The following ZEB1 variants were observed in gnomAD, a reference collection of about 807,000 sequenced individuals.
ZEB1 encodes zinc finger E-box-binding homeobox 1.
A neutral mutation model predicts 84.9 loss-of-function variants in ZEB1; 21 were observed. The observed-to-expected ratio is 0.25, with a 90% CI of 0.18 to 0.36. The LOEUF is 0.36. ZEB1 is among the 10% of genes least tolerant of loss of function. The pLI is 1.00. For synonymous variants in ZEB1, 420 were observed against 471.1 expected, an observed-to-expected ratio of 0.89 and a Z score of 1.41; for missense variants, 1,104 against 1,330.2, an observed-to-expected ratio of 0.83 and a Z score of 2.65.
chr10:31,413,187 G>A lies in ZEB1; in HGVS notation c.59-47850G>A, dbSNP rs532208409. ...TAAATATAATATCTGTTCACCAGAT[G>A]CCTAAAACATACAACATTAGTATAG... On this transcript the variant is annotated intron_variant, in intron 1 of 8. Transcript: ENST00000424869. Among the ~76,000 whole-genome samples the A allele has an allele frequency of 3.3e-5, 5 of 152,272 alleles. No individual in the cohort carries two copies. The South Asian group carries it at 1.0e-3, about 32-fold the overall frequency.
chr10:31,318,798 G>T (rs1006362715), upstream of ZEB1: 9 of 244,664 alleles, frequency 3.7e-5, no homozygotes, highest in South Asian at 9.0e-5. Context: ...CGAGGGCACA[G>T]GGTACAGGGA....
In ZEB1 at chr10:31,373,339, GAA is replaced by G. The variant is rs200497145; in HGVS notation, c.58+54048_58+54049del. The stretch of plus-strand genomic sequence containing the variant: ...TATATTTTAATAAAATATATGCAAA[GAA>G]TGGTTTTATAGATAAGAGATTTTAC... On this transcript the variant is annotated intron_variant, in intron 1 of 8. Transcript: ENST00000424869. Among the ~76,000 whole-genome samples, 1,061 of 151,810 alleles carry G rather than the reference GAA, an allele frequency of 7.0e-3. 11 individuals carry two copies. The highest frequency in any genetic ancestry group is 0.023 in the African/African-American group (972 of 41,476).
intron 2 of ZEB1, among the ~76,000 whole-genome samples, chr10:31,463,228 G>A (rs2137534777): frequency 6.6e-6 from 1 of 152,160 alleles, no homozygotes; most frequent in South Asian, 2.1e-4. Context: ...GAGAAAGGAA[G>A]GTGAAAAAAT....
At chr10:31,507,584 ATTC>A (rs2069206188) in intron 4 of ZEB1, among the ~76,000 whole-genome samples, 1 of 151,778 alleles carries the variant, frequency 6.6e-6, no homozygotes, top group Admixed American at 6.6e-5. Context: ...AAGTTCTAAA[ATTC>A]TTCTTCTGCT....
intron 1 of ZEB1, among the ~76,000 whole-genome samples, chr10:31,367,024 A>C (rs2044642387): frequency 6.6e-6 from 1 of 152,188 alleles, no homozygotes; most frequent in Non-Finnish European, 1.5e-5. Flanking sequence ...GAAGTAATGA[A>C]GTATATAAGC....
In ZEB1 at chr10:31,521,304, A is replaced by G. The variant is rs774973367; in HGVS notation, c.1972A>G (p.Lys658Glu). 2 of 1,614,104 alleles carry G rather than the reference A, an allele frequency of 1.2e-6. No individual in the cohort carries two copies. The highest frequency in any genetic ancestry group is 1.7e-5 in the Admixed American group (1 of 60,002). ...ACCAGGCAAAGTAAATATCCCTGCC[A>G]AGAACAATGATCAGCCTCAATCTGC... Reference protein sequence around the residue: ...PEPGKVNIPAKNNDQPQSANA... With the variant: ...PEPGKVNIPAENNDQPQSANA... Residue 658 changes from lysine to glutamate, a missense_variant, in exon 7 of 9, where the codon AAG (lysine) becomes GAG (glutamate). Around this residue, in one of 7 missense-constraint regions of ZEB1, gnomAD observed 531 missense variants for 575.2 expected, o/e 0.92. Coordinates refer to ENST00000424869, the MANE Select transcript of ZEB1 (RefSeq NM_001174096.2).
chr10:31,510,442 C>T (rs2069776342), intron 4 of ZEB1, among the ~76,000 whole-genome samples: 1 of 152,118 alleles, frequency 6.6e-6, no homozygotes, highest in Non-Finnish European at 1.5e-5. Flanking sequence ...GTATTTGAAC[C>T]CTGACTTCAT....
rs781159662 is a variant in ZEB1 at position 31,520,445 on chromosome 10, A to G, written c.1113A>G (p.Leu371=). Reference sequence around the variant, plus strand: ...CAGGAATCAACTGTTCAACCCCTTTACAAAATGGGGTTTTCACTGGTGGTG... The same window carrying G: ...CAGGAATCAACTGTTCAACCCCTTTGCAAAATGGGGTTTTCACTGGTGGTG... ...VASGINCSTP[L]QNGVFTGGGP... is the part of the protein sequence containing the mutation. Residue 371 remains leucine (L), a synonymous_variant, in exon 7 of 9, where the codon TTA becomes TTG. Transcript: ENST00000424869. The surrounding 1 kb of genome is among the most constrained non-coding windows in gnomAD (Gnocchi z 5.1). 5.0e-6 allele frequency: 8 copies of G among 1,614,028 alleles called. No individual in the cohort carries two copies. Among genetic ancestry groups the G allele is most frequent in the Non-Finnish European group, 6.8e-6 (8 of 1,179,954 alleles).
chr10:31,320,393 T>A (rs2033609116), intron 1 of ZEB1: 1 of 150,924 alleles, frequency 6.6e-6, no homozygotes, highest in South Asian at 2.1e-4. Context: ...TCTCTTTCGG[T>A]TTTTGGGGAA....
At chr10:31,343,717 A>G (rs7095751) in intron 1 of ZEB1, among the ~76,000 whole-genome samples, 12,275 of 152,112 alleles carry the variant, frequency 0.081, 716 homozygotes, top group African/African-American at 0.17. Flanking sequence ...CAGGTGTGCT[A>G]TGGTTTGGTG....
chr10:31,377,668 CT>C (rs2046893885), intron 1 of ZEB1, among the ~76,000 whole-genome samples: 1 of 151,746 alleles, frequency 6.6e-6, no homozygotes, highest in Non-Finnish European at 1.5e-5. Context: ...TTCTGCATCA[CT>C]TTGCGATCTT....
At chr10:31,349,962 T>C (rs1391255651) in intron 1 of ZEB1, among the ~76,000 whole-genome samples, 1 of 152,216 alleles carries the variant, frequency 6.6e-6, no homozygotes, top group Non-Finnish European at 1.5e-5. Context: ...TTGCCTATAC[T>C]TTTAGGGTCA....
intron 6 of ZEB1, among the ~76,000 whole-genome samples, chr10:31,517,843 C>T (rs1303238288): frequency 1.3e-5 from 2 of 151,922 alleles, no homozygotes; most frequent in Non-Finnish European, 2.9e-5. Context: ...TCATATAGTC[C>T]TCAGGATAAC....
chr10:31,377,087 CT>C (rs1193120000), intron 1 of ZEB1, among the ~76,000 whole-genome samples: 2,692 of 107,102 alleles, frequency 0.025, 31 homozygotes, highest in African/African-American at 0.037. Flanking sequence ...AACCTAGTGT[CT>C]TTTTTTTTTT....
chr10:31,344,883 T>G (rs1386375831), intron 1 of ZEB1, among the ~76,000 whole-genome samples: 4 of 152,138 alleles, frequency 2.6e-5, no homozygotes, highest in African/African-American at 9.7e-5. Flanking sequence ...GTTTAGTGAT[T>G]AAAGCTTAAG....
intron 1 of ZEB1, among the ~76,000 whole-genome samples, chr10:31,345,261 T>C (rs1018424136): frequency 2.6e-5 from 4 of 152,114 alleles, no homozygotes; most frequent in Non-Finnish European, 5.9e-5. Context: ...TACCTGAAGA[T>C]TAAAGTATAC....
chr10:31,517,958 A>G (rs1162029182), intron 6 of ZEB1, among the ~76,000 whole-genome samples: 1 of 152,150 alleles, frequency 6.6e-6, no homozygotes, highest in African/African-American at 2.4e-5. Context: ...TACATGGCAA[A>G]GCTAGGGCTG....
At chr10:31,450,853 A>G (rs571011542) in intron 1 of ZEB1, among the ~76,000 whole-genome samples, 1 of 150,650 alleles carries the variant, frequency 6.6e-6, no homozygotes, top group Non-Finnish European at 1.5e-5. Context: ...GGACCATTGC[A>G]TATTTTATTT....
In ZEB1 at chr10:31,450,624, T is replaced by A. The variant is rs75405818; in HGVS notation, c.59-10413T>A. Among the ~76,000 whole-genome samples the A allele has an allele frequency of 7.0e-3, 1,063 of 152,300 alleles. 9 individuals are homozygous for A. Among genetic ancestry groups the A allele is most frequent in the African/African-American group, 0.023 (973 of 41,572 alleles). On this transcript the variant is annotated intron_variant, in intron 1 of 8. Transcript: ENST00000424869. ...TAACTAATGATGAAACTAAGCATCT[T>A]TATCTTACAAATGCCTGTCATTCAT...
Sources: gnomAD v4.1 joint callset for allele counts (sites outside exome capture counted in the v4.1 genomes callset) on GRCh38, gnomAD v4.1.1 for gene constraint, gnomAD v4.1.1 regional missense constraint, Gnocchi (gnomAD v3.1) non-coding constraint, MANE v1.5 for transcripts, NCBI Gene and HGNC (gene_info 2026-07-23, HGNC 2026-07-21) for gene names.